Variants in SOX5 observed in about 807,000 individuals in gnomAD.
SOX5 encodes SRY-box transcription factor 5.
In SOX5, 9 loss-of-function variants were observed where a neutral mutation model predicts 92.0. That is an observed-to-expected ratio of 0.10 (90% CI 0.06 to 0.17). SOX5 has a LOEUF of 0.17. Ranked by LOEUF, SOX5 falls within the 10% of genes least tolerant of loss-of-function variation. SOX5 has a pLI of 1.00. For missense variants in SOX5, 642 were observed against 944.5 expected (o/e 0.68, Z 4.20); for synonymous variants, 344 against 336.3 (o/e 1.02, Z -0.25).
At chr12:24,467,774 G>T (rs71450438) in intron 1 of SOX5, among the ~76,000 whole-genome samples, 2 of 152,042 alleles carry the variant, frequency 1.3e-5, no homozygotes, top group Non-Finnish European at 2.9e-5. Flanking sequence ...TGTCCTGGGG[G>T]GTGGATAAAC....
At chr12:23,740,009 C>G (rs551029678) in intron 5 of SOX5, among the ~76,000 whole-genome samples, 72 of 152,250 alleles carry the variant, frequency 4.7e-4, no homozygotes, top group African/African-American at 1.7e-3. Flanking sequence ...TAGTACAGTG[C>G]CCGGCACATA....
intron 3 of SOX5, among the ~76,000 whole-genome samples, chr12:23,800,691 A>G (rs1249988384): frequency 2.0e-5 from 3 of 152,118 alleles, no homozygotes; most frequent in African/African-American, 4.8e-5. Context: ...AAAGTACTAC[A>G]TTTGGGGGAA....
chr12:23,846,716 T>C (rs1797579654), intron 2 of SOX5, among the ~76,000 whole-genome samples: 2 of 152,192 alleles, frequency 1.3e-5, no homozygotes, highest in South Asian at 4.1e-4. Flanking sequence ...AATAAAGTTT[T>C]AGTTTTTCCA....
intron 4 of SOX5, among the ~76,000 whole-genome samples, chr12:24,022,577 A>G (rs1330944559): frequency 6.6e-6 from 1 of 152,096 alleles, no homozygotes; most frequent in East Asian, 1.9e-4. Flanking sequence ...GTACTTGAAA[A>G]CAGTTCACTG....
intron 2 of SOX5, among the ~76,000 whole-genome samples, chr12:24,344,254 T>C (rs1194354784): frequency 1.6e-5 from 2 of 128,020 alleles, no homozygotes; most frequent in Non-Finnish European, 3.2e-5. Flanking sequence ...CCGCACTCCA[T>C]CCTGGCGACA....
At chr12:24,248,488 G>A (rs1250208579) in intron 3 of SOX5, among the ~76,000 whole-genome samples, 1 of 152,172 alleles carries the variant, frequency 6.6e-6, no homozygotes, top group Non-Finnish European at 1.5e-5. Context: ...GGGTTCAAGT[G>A]ATTCTCCTGC....
intron 4 of SOX5, among the ~76,000 whole-genome samples, chr12:24,168,942 A>G (rs1953746139): frequency 6.6e-6 from 1 of 152,076 alleles, no homozygotes; most frequent in Non-Finnish European, 1.5e-5. Flanking sequence ...CAACAAATAA[A>G]CATTATTACT....
chr12:23,759,580 T>C (rs900656253), intron 3 of SOX5, among the ~76,000 whole-genome samples: 1 of 152,068 alleles, frequency 6.6e-6, no homozygotes, highest in Non-Finnish European at 1.5e-5. Context: ...AATAATCTCA[T>C]AATAATGAGC....
chr12:23,976,821 T>G (rs995805187), intron 4 of SOX5, among the ~76,000 whole-genome samples: 2 of 152,136 alleles, frequency 1.3e-5, no homozygotes, highest in Non-Finnish European at 2.9e-5. Context: ...GTTGTTGTTT[T>G]TTTTTTTAAA....
chr12:23,651,227 CAT>C (rs1350899851), intron 7 of SOX5, among the ~76,000 whole-genome samples: 1 of 151,880 alleles, frequency 6.6e-6, no homozygotes, highest in Non-Finnish European at 1.5e-5. Context: ...CACATATATA[CAT>C]ATATACATAT....
At position 24,259,229 on chromosome 12, in the gene SOX5, A is replaced by C. The variant is rs561214154; in HGVS notation, c.-77+17987T>G. On this transcript the variant is annotated intron_variant, in intron 3 of 4. Transcript: ENST00000446891. ...AAGAGACAGAAAGAGAGCGAGCGAG[A>C]GAGAGAGCAAGTGAGCGAGAGAGAG... 2.1e-3 allele frequency among the ~76,000 whole-genome samples: 327 copies of C among 152,288 alleles called. 3 individuals are homozygous for C. The highest frequency in any genetic ancestry group is 0.02 in the Middle Eastern group (6 of 294).
chr12:23,818,662 ATAAT>A (rs1370892881), intron 3 of SOX5, among the ~76,000 whole-genome samples: 3 of 152,230 alleles, frequency 2.0e-5, no homozygotes, highest in East Asian at 3.8e-4. Flanking sequence ...AATTAATTTT[ATAAT>A]TAATTAAATT....
At position 24,189,262 on chromosome 12, in the gene SOX5, C is replaced by A. The variant is rs147312870; in HGVS notation, c.-2+24081G>T. Among the ~76,000 whole-genome samples, 263 of 152,270 alleles carry A rather than the reference C, an allele frequency of 1.7e-3. 2 individuals are homozygous for A. The East Asian group carries it at 0.042, about 25-fold the overall frequency. On this transcript the variant is annotated intron_variant, in intron 4 of 4. Coordinates refer to the SOX5 transcript ENST00000446891. ...TGGCCGTTCTCCAATACCTGAAAGG[C>A]CTAAGAGCCAGGGATCCATCCGTAT... is the stretch of plus-strand genomic sequence containing the variant.
chr12:24,469,970 C>CA (rs972409074), intron 1 of SOX5, among the ~76,000 whole-genome samples: 5 of 151,470 alleles, frequency 3.3e-5, no homozygotes, highest in Admixed American at 3.3e-4. Flanking sequence ...TCATGAAAAA[C>CA]AAAAAAAGAA....
At chr12:23,592,183 G>A (rs1592358040) in intron 9 of SOX5, among the ~76,000 whole-genome samples, 1 of 151,942 alleles carries the variant, frequency 6.6e-6, no homozygotes, top group South Asian at 2.1e-4. Context: ...AGACTTTCTT[G>A]GTATTGGTAA....
chr12:23,576,670 T>A (rs16926402), intron 9 of SOX5, among the ~76,000 whole-genome samples: 3,249 of 152,284 alleles, frequency 0.021, 125 homozygotes, highest in African/African-American at 0.074. Flanking sequence ...TTTTAAATCG[T>A]TCTCTTAGGT....
intron 3 of SOX5, among the ~76,000 whole-genome samples, chr12:24,274,745 T>G (rs1428167694): frequency 6.6e-6 from 1 of 151,982 alleles, no homozygotes; most frequent in Non-Finnish European, 1.5e-5. Context: ...GATTTTTCAC[T>G]CATCTTAGAG....
intron 4 of SOX5, among the ~76,000 whole-genome samples, chr12:24,160,103 A>G (rs1255911249): frequency 6.6e-6 from 1 of 152,118 alleles, no homozygotes; most frequent in Admixed American, 6.6e-5. Flanking sequence ...TCAGCTTTAC[A>G]TGCCACTATT....
At chr12:24,123,215 T>C (rs1210028192) in intron 4 of SOX5, among the ~76,000 whole-genome samples, 3 of 152,186 alleles carry the variant, frequency 2.0e-5, no homozygotes, top group Admixed American at 2.0e-4. Flanking sequence ...TGTTTCTTTG[T>C]TGAAAAGAAG....
Sources: allele counts gnomAD v4.1 joint callset (sites outside exome capture counted in the v4.1 genomes callset), GRCh38; gene constraint gnomAD v4.1.1; transcripts MANE v1.5; gene names NCBI Gene and HGNC (gene_info 2026-07-23, HGNC 2026-07-21).